The following ARID1B variants were observed in gnomAD, a reference collection of about 807,000 sequenced individuals.
ARID1B encodes AT-rich interaction domain 1B.
Under a neutral mutation model 212.3 loss-of-function variants are expected in ARID1B, and 30 were observed. The ratio of observed to expected loss-of-function variants is 0.14; its 90% CI spans 0.11 to 0.19. ARID1B has a LOEUF of 0.19. Among genes scored for constraint, ARID1B ranks in the 10% least tolerant of loss-of-function variants. The probability of loss-of-function intolerance (pLI) is 1.00; values close to 1 mark genes in which losing one functional copy is unlikely to be tolerated. For synonymous variants in ARID1B, 1,402 were observed against 1,301.7 expected, an observed-to-expected ratio of 1.08 and a Z score of -1.66; for missense variants, 2,891 against 3,204.0, an observed-to-expected ratio of 0.90 and a Z score of 2.36.
intron 4 of ARID1B, among the ~76,000 whole-genome samples, chr6:156,988,323 CTGTTT>C (rs1320010078): frequency 6.6e-6 from 1 of 152,168 alleles, no homozygotes; most frequent in Non-Finnish European, 1.5e-5. Flanking sequence ...AGGAACACTT[CTGTTT>C]TAAGTGAGGT....
At chr6:156,925,322 G>A (rs112328825) in intron 3 of ARID1B, among the ~76,000 whole-genome samples, 53 of 152,290 alleles carry the variant, frequency 3.5e-4, no homozygotes, top group African/African-American at 1.2e-3. Flanking sequence ...GCATCATGAA[G>A]TAGCTTATAC....
chr6:156,991,357 A>G (rs1021604991), intron 4 of ARID1B, among the ~76,000 whole-genome samples: 2 of 152,080 alleles, frequency 1.3e-5, no homozygotes, highest in African/African-American at 4.8e-5. Context: ...CAGCCTCCCA[A>G]GTAGCTGGGA....
At chr6:157,014,455 G>C (rs978031631) in intron 4 of ARID1B, among the ~76,000 whole-genome samples, 2 of 152,172 alleles carry the variant, frequency 1.3e-5, no homozygotes, top group African/African-American at 4.8e-5. Flanking sequence ...GCTATCATAT[G>C]AGTTTTAAAA....
chr6:157,178,378 G>A (rs939463029), intron 11 of ARID1B, among the ~76,000 whole-genome samples: 1 of 152,154 alleles, frequency 6.6e-6, no homozygotes, highest in Admixed American at 6.5e-5. Context: ...GGATCTAGTC[G>A]GAAAAGTGGG....
At chr6:157,096,297 A>T (rs1015636054) in intron 5 of ARID1B, among the ~76,000 whole-genome samples, 2 of 152,184 alleles carry the variant, frequency 1.3e-5, no homozygotes, top group African/African-American at 4.8e-5. Flanking sequence ...TTCAGTAAAC[A>T]TGGGCCAAAT....
At position 157,010,014 on chromosome 6, in the gene ARID1B, C is replaced by T. The variant is rs150388948; in HGVS notation, c.2247+74438C>T. 4.4e-3 allele frequency among the ~76,000 whole-genome samples: 674 copies of T among 152,302 alleles called. 5 individuals are homozygous for T. The highest frequency in any genetic ancestry group is 0.015 in the African/African-American group (642 of 41,556). On this transcript the variant is annotated intron_variant, in intron 4 of 19. Transcript: ENST00000636930. ...AATTTTTTAGTAGCTCTTACCCCTT[C>T]TCATATGAAAGAGTGTTAGGGAAAT... is the stretch of plus-strand genomic sequence containing the variant.
At chr6:156,883,665 C>G (rs967183029) in intron 2 of ARID1B, among the ~76,000 whole-genome samples, 4 of 152,154 alleles carry the variant, frequency 2.6e-5, no homozygotes, top group African/African-American at 9.7e-5. Flanking sequence ...GGGACTGTCA[C>G]CTCGTCTCAC....
At chr6:157,039,794 TTC>T (rs1491387803) in intron 4 of ARID1B, among the ~76,000 whole-genome samples, 1 of 137,256 alleles carries the variant, frequency 7.3e-6, no homozygotes, top group Non-Finnish European at 1.5e-5. Context: ...CCTTCCTTCC[TTC>T]TTTCTTTCTC....
chr6:156,948,642 G>A (rs1375562374), intron 4 of ARID1B, among the ~76,000 whole-genome samples: 7 of 152,182 alleles, frequency 4.6e-5, no homozygotes, highest in Non-Finnish European at 1.0e-4. Context: ...TCTCAATGAT[G>A]CAGAAAAATT....
chr6:156,776,091 T>A (rs1778609273), upstream of ARID1B, among the ~76,000 whole-genome samples: 2 of 152,280 alleles, frequency 1.3e-5, no homozygotes, highest in Admixed American at 1.3e-4. Flanking sequence ...AGCTGAAGAA[T>A]GAAATAATTT....
chr6:156,799,444 AT>A (rs1239462032), intron 1 of ARID1B, among the ~76,000 whole-genome samples: 1 of 152,170 alleles, frequency 6.6e-6, no homozygotes, highest in East Asian at 1.9e-4. Context: ...GTTATGATAG[AT>A]TTTTTTTATT....
intron 4 of ARID1B, among the ~76,000 whole-genome samples, chr6:157,065,163 G>A (rs1583243225): frequency 6.6e-6 from 1 of 152,206 alleles, no homozygotes; most frequent in African/African-American, 2.4e-5. Context: ...AACTGTGCTA[G>A]TCAAAGTCAT....
intron 2 of ARID1B, among the ~76,000 whole-genome samples, chr6:156,868,875 C>T (rs1178869072): frequency 1.3e-5 from 2 of 152,092 alleles, no homozygotes; most frequent in Non-Finnish European, 2.9e-5. Flanking sequence ...TAACACTTAA[C>T]GGTACTTTGT....
rs143066233 is a variant in ARID1B at position 156,883,452 on chromosome 6, G to A, written c.1987-17924G>A. On this transcript the variant is annotated intron_variant, in intron 2 of 19. Coordinates refer to ENST00000636930, the MANE Select transcript of ARID1B (RefSeq NM_001374828.1). ...TTACTTTTCTTCTTTGGGGATCTGT[G>A]TGGAAAGTTAAAATAAGTCATAGCC... Among the ~76,000 whole-genome samples, 310 of 152,290 alleles carry A rather than the reference G, an allele frequency of 2.0e-3. 2 individuals are homozygous for A. Among genetic ancestry groups the A allele is most frequent in the African/African-American group, 7.2e-3 (300 of 41,564 alleles).
chr6:157,136,624 G>T (rs986588312), intron 7 of ARID1B, among the ~76,000 whole-genome samples: 5 of 152,246 alleles, frequency 3.3e-5, no homozygotes, highest in African/African-American at 9.6e-5. Context: ...CACTTTGGGA[G>T]TCCGAGACGG....
rs1240545481 is a variant in ARID1B at position 157,184,253 on chromosome 6, G to C, written c.3737G>C (p.Arg1246Pro). 1 of 1,610,756 alleles carries C rather than the reference G, an allele frequency of 6.2e-7. No homozygotes were observed. The stretch of plus-strand genomic sequence containing the variant: ...TAGGTTAATAAAAACAAGAAGTGGC[G>C]TGAGCTGGCAACCAACCTAAACGTT... ...LAQVNKNKKW[R>P]ELATNLNVGT... Residue 1246 changes from arginine (R) to proline (P), a missense_variant, in exon 13 of 20, where the codon CGT becomes CCT. Around this residue, in one of 7 missense-constraint regions of ARID1B, gnomAD observed 666 missense variants for 873.5 expected, o/e 0.76. Coordinates refer to ENST00000636930, the MANE Select transcript of ARID1B (RefSeq NM_001374828.1).
chr6:157,042,353 G>A (rs1196915894), intron 4 of ARID1B, among the ~76,000 whole-genome samples: 1 of 152,114 alleles, frequency 6.6e-6, no homozygotes, highest in African/African-American at 2.4e-5. Context: ...TGTATTACCA[G>A]TGTATTCATT....
intron 4 of ARID1B, among the ~76,000 whole-genome samples, chr6:157,005,425 A>G (rs1056283793): frequency 7.2e-5 from 11 of 152,122 alleles, no homozygotes; most frequent in Admixed American, 2.0e-4. Flanking sequence ...AAGTGCTGGG[A>G]TTACAGGCGT....
rs181350917 is a variant in ARID1B, at chr6:156,792,928, G to A, written c.1791+13457G>A. ...GGGAAGCAGAATTATCCTTTTATCC[G>A]AGGATGACTTGTTTCTTTTTAAATG... On this transcript the variant is annotated intron_variant, in intron 1 of 19. Transcript: ENST00000636930. Among the ~76,000 whole-genome samples the A allele has an allele frequency of 8.9e-4, 135 of 152,212 alleles. No homozygotes were observed. The East Asian group carries it at 0.011, about 12-fold the overall frequency.
Sources: allele counts gnomAD v4.1 joint callset (sites outside exome capture counted in the v4.1 genomes callset), GRCh38; gene constraint gnomAD v4.1.1; regional missense constraint gnomAD v4.1.1; transcripts MANE v1.5; gene names NCBI Gene and HGNC (gene_info 2026-07-23, HGNC 2026-07-21).